TTC23L: variants seen among roughly 807,000 people sequenced by gnomAD.
TTC23L encodes tetratricopeptide repeat protein 23-like.
Under a neutral mutation model 48.1 loss-of-function variants are expected in TTC23L, and 42 were observed. That is an observed-to-expected ratio of 0.87 (90% CI 0.68 to 1.13). The LOEUF (loss-of-function observed/expected upper bound fraction) is 1.13, where lower values mean the gene tolerates loss of function less well. Among genes scored for constraint, TTC23L ranks in the 50% most tolerant of loss-of-function variants. The pLI, the probability that TTC23L is intolerant of heterozygous loss-of-function variation, is 0.00. For synonymous variants in TTC23L, 159 were observed against 157.2 expected, an observed-to-expected ratio of 1.01 and a Z score of -0.09; for missense variants, 391 against 421.0, an observed-to-expected ratio of 0.93 and a Z score of 0.62.
chr5:34,879,143 T>G (rs1183860305), intron 8 of TTC23L, among the ~76,000 whole-genome samples: 1 of 152,180 alleles, frequency 6.6e-6, no homozygotes, highest in Non-Finnish European at 1.5e-5. Flanking sequence ...CTAACAAATG[T>G]GTGCACATGG....
downstream of TTC23L, among the ~76,000 whole-genome samples, chr5:34,901,106 TAGC>T (rs1035208318): frequency 2.6e-5 from 4 of 152,170 alleles, no homozygotes; most frequent in Non-Finnish European, 5.9e-5. Context: ...TATTTTGTAG[TAGC>T]AAATGATAAA....
chr5:34,916,373 G>A, the TTC23L span: 1 of 153,288 alleles, frequency 6.5e-6, no homozygotes, highest in Non-Finnish European at 1.5e-5. Context: ...TTGTTAACCA[G>A]GTCATTAACT....
At chr5:34,881,240 C>A (rs1458402521) in intron 9 of TTC23L, among the ~76,000 whole-genome samples, 1 of 152,108 alleles carries the variant, frequency 6.6e-6, no homozygotes, top group Non-Finnish European at 1.5e-5. Context: ...GCTACTAGTT[C>A]TTTTCTTTTG....
At chr5:34,913,885 TA>T in the TTC23L span, 4 of 452,368 alleles carry the variant, frequency 8.8e-6, no homozygotes, top group African/African-American at 2.0e-5. Context: ...TTTCAACTTT[TA>T]TTATGATTTT....
At chr5:34,923,303 G>C in the TTC23L span, 1 of 1,255,542 alleles carries the variant, frequency 8.0e-7, no homozygotes, top group Non-Finnish European at 1.2e-6. Flanking sequence ...TTTTGAGACA[G>C]AGTCTCGCTC....
At chr5:34,857,679 C>T (rs1401236066) in intron 4 of TTC23L, among the ~76,000 whole-genome samples, 1 of 148,138 alleles carries the variant, frequency 6.8e-6, no homozygotes, top group Non-Finnish European at 1.5e-5. Context: ...TATCTTCAAA[C>T]TCACTTCATT....
At chr5:34,866,260 A>G (rs112292657) in intron 6 of TTC23L, among the ~76,000 whole-genome samples, 48 of 152,330 alleles carry the variant, frequency 3.2e-4, no homozygotes, top group East Asian at 1.9e-4. Flanking sequence ...ACAGATATAT[A>G]TGGATATCAA....
At chr5:34,880,459 C>A in intron 9 of TTC23L, 151 bp downstream of exon 9, 1 of 872,700 alleles carries the variant, frequency 1.1e-6, no homozygotes, top group Non-Finnish European at 1.7e-6. Flanking sequence ...CTAGCATTAA[C>A]CGAATTATTT....
intron 3 of TTC23L, among the ~76,000 whole-genome samples, chr5:34,849,318 T>A (rs557922073): frequency 1.1e-4 from 16 of 152,070 alleles, no homozygotes; most frequent in African/African-American, 3.9e-4. Context: ...AGTCGTTTTG[T>A]AAAAAAAAGA....
chr5:34,912,145 C>T, the TTC23L span, among the ~76,000 whole-genome samples: 2 of 152,334 alleles, frequency 1.3e-5, no homozygotes, highest in East Asian at 1.9e-4. Context: ...CAGCAAGTAA[C>T]TAAATTGCTG....
At chr5:34,907,019 C>A in the TTC23L span, 1 of 152,112 alleles carries the variant, frequency 6.6e-6, no homozygotes. Flanking sequence ...GTAGTCACTG[C>A]TAAATTTTGT....
At position 34,863,016 on chromosome 5, in the gene TTC23L, G is replaced by A. The variant is rs769004166; in HGVS notation, c.498G>A (p.Leu166=). Residue 166 remains leucine, a synonymous_variant, in exon 5 of 11, where the codon CTG becomes CTA. Transcript: ENST00000505624. The surrounding 1 kb of genome is among the most constrained non-coding windows in gnomAD (Gnocchi z 4.1). ...AAATCCTGGAAGCTCTGGTCAAGCT[G>A]TACTACACTCTGGGCGTGGCCTGGC... is the stretch of plus-strand genomic sequence containing the variant. The A allele has an allele frequency of 6.2e-7, 1 of 1,613,998 alleles. No homozygotes were observed. Among genetic ancestry groups the A allele is most frequent in the South Asian group, 1.1e-5 (1 of 91,082 alleles).
the TTC23L span, among the ~76,000 whole-genome samples, chr5:34,910,591 C>A: frequency 6.6e-6 from 1 of 152,098 alleles, no homozygotes; most frequent in African/African-American, 2.4e-5. Flanking sequence ...CCACGCCCAA[C>A]TAATTTTTCT....
the TTC23L span, chr5:34,925,306 G>A: frequency 6.2e-7 from 1 of 1,611,762 alleles, no homozygotes; most frequent in Non-Finnish European, 8.5e-7. Context: ...AACTGAGAAA[G>A]AAAGAGCCGA....
At chr5:34,915,380 T>C in the TTC23L span, 1 of 242,532 alleles carries the variant, frequency 4.1e-6, no homozygotes, top group South Asian at 7.1e-5. Context: ...CAGCATCGCT[T>C]ACTAGTCTCG....
exon 3 of TTC23L, chr5:34,845,587 G>C (rs1277675309): frequency 1.2e-6 from 2 of 1,613,856 alleles, no homozygotes; most frequent in African/African-American, 2.7e-5. Context: ...TAAAGAGAAG[G>C]AGAAGGCCAT....
intron 9 of TTC23L, among the ~76,000 whole-genome samples, chr5:34,885,796 A>T (rs2111733082): frequency 6.6e-6 from 1 of 152,182 alleles, no homozygotes; most frequent in South Asian, 2.1e-4. Flanking sequence ...GATTACCTAC[A>T]ACTTATTTTC....
At chr5:34,887,259 C>T (rs1409904394) in intron 9 of TTC23L, among the ~76,000 whole-genome samples, 1 of 152,128 alleles carries the variant, frequency 6.6e-6, no homozygotes, top group Admixed American at 6.5e-5. Context: ...GCCAGAATAG[C>T]TTTTCCAGGG....
At chr5:34,894,319 T>C (rs1763066919) in intron 9 of TTC23L, among the ~76,000 whole-genome samples, 1 of 152,176 alleles carries the variant, frequency 6.6e-6, no homozygotes, top group South Asian at 2.1e-4. Flanking sequence ...CTAGTACATT[T>C]TTATTGCCAT....
Sources: gnomAD v4.1 joint callset for allele counts (sites outside exome capture counted in the v4.1 genomes callset) on GRCh38, gnomAD v4.1.1 for gene constraint, Gnocchi (gnomAD v3.1) non-coding constraint, MANE v1.5 for transcripts, NCBI Gene and HGNC (gene_info 2026-07-23, HGNC 2026-07-21) for gene names.